The following CADPS2 variants were observed in gnomAD, a reference collection of about 807,000 sequenced individuals.
CADPS2 encodes calcium dependent secretion activator 2.
CADPS2 carries 93 observed loss-of-function variants against 172.5 expected under a neutral mutation model. That is an observed-to-expected ratio of 0.54 (90% confidence interval 0.46 to 0.64). CADPS2 has a LOEUF of 0.64. Ranked by LOEUF, CADPS2 falls within the 30% of genes least tolerant of loss-of-function variation. CADPS2 has a pLI of 0.00. For synonymous variants in CADPS2, 546 were observed against 555.2 expected (o/e 0.98, Z 0.23); for missense variants, 1,420 against 1,565.9 (o/e 0.91, Z 1.57).
At chr7:122,656,503 A>T (rs2079813275) in intron 3 of CADPS2, among the ~76,000 whole-genome samples, 1 of 152,170 alleles carries the variant, frequency 6.6e-6, no homozygotes, top group African/African-American at 2.4e-5. Context: ...GAAGAGAATG[A>T]AGAATATGGT....
intron 25 of CADPS2, among the ~76,000 whole-genome samples, chr7:122,375,611 A>G (rs75850641): frequency 0.11 from 16,999 of 152,128 alleles, 1,207 homozygotes; most frequent in Non-Finnish European, 0.15. Flanking sequence ...ACTAAACACC[A>G]TCAAGTAAAA....
intron 2 of CADPS2, among the ~76,000 whole-genome samples, chr7:122,683,313 C>A (rs1177149255): frequency 1.3e-5 from 2 of 152,082 alleles, no homozygotes; most frequent in African/African-American, 4.8e-5. Flanking sequence ...TGTTGCTCTG[C>A]CAGCTGAAGT....
chr7:122,496,621 T>C (rs1207202719), intron 9 of CADPS2, among the ~76,000 whole-genome samples: 1 of 152,214 alleles, frequency 6.6e-6, no homozygotes, highest in Non-Finnish European at 1.5e-5. Flanking sequence ...ATTTGTTTTT[T>C]ATGTTGGAGC....
At chr7:122,507,829 T>C (rs1309514876) in intron 9 of CADPS2, among the ~76,000 whole-genome samples, 1 of 152,068 alleles carries the variant, frequency 6.6e-6, no homozygotes, top group African/African-American at 2.4e-5. Flanking sequence ...TGGATGTAAA[T>C]GGAATGCTGT....
At chr7:122,383,431 G>A (rs977826910) in intron 24 of CADPS2, among the ~76,000 whole-genome samples, 4 of 152,046 alleles carry the variant, frequency 2.6e-5, no homozygotes, top group African/African-American at 9.6e-5. Flanking sequence ...CCCCCATATC[G>A]ACAACAAAAG....
At chr7:122,447,434 C>T (rs1043957741) in intron 15 of CADPS2, among the ~76,000 whole-genome samples, 2 of 151,788 alleles carry the variant, frequency 1.3e-5, no homozygotes, top group African/African-American at 4.8e-5. Context: ...TGACATGCTC[C>T]AGTCAGAACT....
intron 2 of CADPS2, among the ~76,000 whole-genome samples, chr7:122,706,874 C>T (rs1004333232): frequency 6.6e-6 from 1 of 150,396 alleles, no homozygotes; most frequent in Admixed American, 6.7e-5. Flanking sequence ...TACCAGACTT[C>T]CCTCAATGTC....
intron 1 of CADPS2, among the ~76,000 whole-genome samples, chr7:122,792,500 A>G (rs1262964890): frequency 5.9e-5 from 9 of 152,172 alleles, no homozygotes; most frequent in Admixed American, 2.6e-4. Context: ...GAACTGTTAG[A>G]AATAAAGTTC....
At chr7:122,705,774 TTATATAA>T (rs1564123238) in intron 2 of CADPS2, among the ~76,000 whole-genome samples, 194 of 14,942 alleles carry the variant, frequency 0.013, 49 homozygotes, top group Middle Eastern at 0.1. Context: ...ATATGATATA[TTATATAA>T]TATATATCAT....
intron 20 of CADPS2, among the ~76,000 whole-genome samples, chr7:122,399,807 C>T (rs2045701189): frequency 6.7e-6 from 1 of 150,374 alleles, no homozygotes; most frequent in Admixed American, 6.6e-5. Context: ...CTGCCTCAGC[C>T]TCCCGAGTAG....
intron 6 of CADPS2, among the ~76,000 whole-genome samples, chr7:122,614,892 T>C (rs535698124): frequency 2.6e-5 from 4 of 152,190 alleles, no homozygotes; most frequent in Non-Finnish European, 4.4e-5. Context: ...GGTGATAAAA[T>C]TTGCTTTCCT....
intron 3 of CADPS2, among the ~76,000 whole-genome samples, chr7:122,630,946 T>C (rs1435814153): frequency 2.0e-5 from 3 of 152,144 alleles, no homozygotes; most frequent in Non-Finnish European, 2.9e-5. Flanking sequence ...ACAATTTTAA[T>C]TGATTAATAT....
At chr7:122,546,920 G>A (rs740812) in intron 8 of CADPS2, among the ~76,000 whole-genome samples, 61,308 of 151,468 alleles carry the variant, frequency 0.4, 12,764 homozygotes, top group Admixed American at 0.46. Context: ...ATCTAAATGT[G>A]AAAAAAAAGT....
chr7:122,878,101 C>G lies in CADPS2; in HGVS notation c.339+7898G>C, dbSNP rs948719463. Among the ~76,000 whole-genome samples the G allele has an allele frequency of 1.3e-5, 2 of 151,240 alleles. 1 individual carries two copies. Among genetic ancestry groups the G allele is most frequent in the East Asian group, 3.9e-4 (2 of 5,108 alleles). ...TGAAACCCCGTCTTTACTAAAAATACAAAAATTAGCTGGGCGTGGTGGTAC... is the reference window on the plus strand; with the variant it reads ...TGAAACCCCGTCTTTACTAAAAATAGAAAAATTAGCTGGGCGTGGTGGTAC... On this transcript the variant is annotated intron_variant, in intron 1 of 29. Transcript: ENST00000449022.
At chr7:122,427,074 A>G (rs1029964913) in intron 17 of CADPS2, 2 of 152,098 alleles carry the variant, frequency 1.3e-5, no homozygotes, top group Non-Finnish European at 2.9e-5. Context: ...TGGCCAAGGA[A>G]ATAATTCCGA....
chr7:122,712,267 G>GT (rs1490381603), intron 2 of CADPS2, among the ~76,000 whole-genome samples: 1 of 152,018 alleles, frequency 6.6e-6, no homozygotes, highest in Non-Finnish European at 1.5e-5. Flanking sequence ...GCACTGATTT[G>GT]TATCAATTTC....
chr7:122,526,914 C>A lies in CADPS2; in HGVS notation c.1476-13599G>T, dbSNP rs138696501. 5.3e-3 allele frequency among the ~76,000 whole-genome samples: 804 copies of A among 152,268 alleles called. 11 individuals carry two copies. The highest frequency in any genetic ancestry group is 0.014 in the Admixed American group (217 of 15,286). On this transcript the variant is annotated intron_variant, in intron 8 of 29. Coordinates refer to ENST00000449022, the MANE Select transcript of CADPS2 (RefSeq NM_017954.11). ...TCACCACTCTATCCTCATTGTCCAG[C>A]ACTGTTCCTTCATATGGCAGACACT...
chr7:122,801,805 A>C (rs1316639396), intron 1 of CADPS2, among the ~76,000 whole-genome samples: 1 of 151,530 alleles, frequency 6.6e-6, no homozygotes, highest in Non-Finnish European at 1.5e-5. Flanking sequence ...ACATGGTCTC[A>C]CTATATACCC....
intron 1 of CADPS2, among the ~76,000 whole-genome samples, chr7:122,781,640 T>C (rs1272255021): frequency 2.0e-5 from 3 of 152,180 alleles, no homozygotes; most frequent in Non-Finnish European, 2.9e-5. Context: ...ATCCTTTTCC[T>C]AATCAATTGT....
Sources: allele counts gnomAD v4.1 joint callset (sites outside exome capture counted in the v4.1 genomes callset), GRCh38; gene constraint gnomAD v4.1.1; transcripts MANE v1.5; gene names NCBI Gene and HGNC (gene_info 2026-07-23, HGNC 2026-07-21).